Variants in STAT4 observed in about 807,000 individuals in gnomAD.
STAT4 encodes the protein signal transducer and activator of transcription 4.
Under a neutral mutation model 110.5 loss-of-function variants are expected in STAT4, and 42 were observed. The ratio of observed to expected loss-of-function variants is 0.38; its 90% CI spans 0.30 to 0.49. The LOEUF (loss-of-function observed/expected upper bound fraction) is 0.49, where lower values mean the gene tolerates loss of function less well. Ranked by LOEUF, STAT4 falls within the 20% of genes least tolerant of loss-of-function variation. The pLI is 0.95. For missense variants in STAT4, 632 were observed against 887.9 expected, an observed-to-expected ratio of 0.71 and a Z score of 3.66; for synonymous variants, 284 against 302.2, an observed-to-expected ratio of 0.94 and a Z score of 0.63.
At position 191,116,931 on chromosome 2, in the gene STAT4, C is replaced by G. The variant is rs1048516201; in HGVS notation, c.273+29682G>C. Among the ~76,000 whole-genome samples the G allele has an allele frequency of 1.3e-5, 2 of 152,176 alleles. No individual in the cohort carries two copies. Among genetic ancestry groups the G allele is most frequent in the Admixed American group, 1.3e-4 (2 of 15,256 alleles). On this transcript the variant is annotated intron_variant, in intron 3 of 23. Transcript: ENST00000392320. This position sits in a 1 kb window ranked among gnomAD's most constrained non-coding sequence, Gnocchi z 4.1. ...CTAAGAAAGCAACTCAAATATCCCT[C>G]CCGTTGGAGTGGCAAAGAATAATGA...
Position 191,084,488 on chromosome 2 carries a change from C to T in STAT4, c.274-8163G>A, listed in dbSNP as rs943461248. ...CAATTAATACATGTAATTAAAACTA[C>T]TAAATACAAAGTACATAAAAAAAGG... On this transcript the variant is annotated intron_variant, in intron 3 of 23. Coordinates refer to ENST00000392320, the MANE Select transcript of STAT4 (RefSeq NM_003151.4). Among the ~76,000 whole-genome samples the T allele has an allele frequency of 9.2e-5, 14 of 151,790 alleles. 1 individual carries two copies. Among genetic ancestry groups the T allele is most frequent in the Admixed American group, 9.2e-4 (14 of 15,244 alleles).
At position 191,041,014 on chromosome 2, in the gene STAT4, C is replaced by A. The variant is rs376345577; in HGVS notation, c.1335+51G>T. The A allele has an allele frequency of 1.2e-4, 153 of 1,233,630 alleles. 1 individual carries two copies. In the African/African-American group the frequency reaches 1.9e-3, roughly 15 times the overall value. 76.4% of individuals were successfully genotyped at this position (1,233,630 alleles called of 1,614,324 possible). ...TGAGCTTACATCTATTAATGCTGAC[C>A]AATTCTTGCAAATGCCATTAGTAAA... On this transcript the variant is annotated intron_variant, in intron 15 of 23. Coordinates refer to ENST00000392320, the MANE Select transcript of STAT4 (RefSeq NM_003151.4).
intron 3 of STAT4, among the ~76,000 whole-genome samples, chr2:191,118,304 T>C (rs1029874074): frequency 2.6e-5 from 4 of 152,204 alleles, no homozygotes; most frequent in African/African-American, 9.6e-5. Flanking sequence ...CTGGGTCACA[T>C]TCCTTTGAGA....
At position 191,066,582 on chromosome 2, in the gene STAT4, AC is replaced by A; in HGVS notation, c.545-68del. The A allele has an allele frequency of 6.7e-7, 1 of 1,482,674 alleles. No homozygotes were observed. Among genetic ancestry groups the A allele is most frequent in the Non-Finnish European group, 9.3e-7 (1 of 1,073,402 alleles). The allele number at this position is 1,482,674 out of a possible 1,614,324, so 91.8% of individuals were successfully genotyped here. ...CTGAAAGTCAAGTCAGCCTCAATCC[AC>A]CATCCTAAAACAGCCCTGGCCCGGA... On this transcript the variant is annotated intron_variant, in intron 6 of 23. Transcript: ENST00000392320. This position sits in a 1 kb window ranked among gnomAD's most constrained non-coding sequence, Gnocchi z 4.3.
intron 3 of STAT4, among the ~76,000 whole-genome samples, chr2:191,097,340 G>A (rs1368056095): frequency 1.3e-5 from 2 of 152,130 alleles, no homozygotes; most frequent in African/African-American, 4.8e-5. Context: ...GAACAAAGCT[G>A]GAGGCATCAT....
chr2:191,150,585 A>G lies in STAT4; in HGVS notation c.-2+362T>C, dbSNP rs1699568460. ...GCAAGCTTTTTTCTGAAATCCAGGT[A>G]CGCTAATCTAAAGTCAGACATCACA... On this transcript the variant is annotated intron_variant, in intron 1 of 23. Transcript: ENST00000392320. The surrounding 1 kb of genome is among the most constrained non-coding windows in gnomAD (Gnocchi z 6.4). 6.6e-6 allele frequency among the ~76,000 whole-genome samples: 1 copy of G among 152,186 alleles called. No homozygotes were observed. The highest frequency in any genetic ancestry group is 2.1e-4 in the South Asian group (1 of 4,830).
intron 5 of STAT4, among the ~76,000 whole-genome samples, chr2:191,072,269 G>A (rs1371991109): frequency 6.6e-6 from 1 of 152,104 alleles, no homozygotes; most frequent in Non-Finnish European, 1.5e-5. Context: ...TGCCTTGCAT[G>A]GCAGATTATT....
intron 3 of STAT4, among the ~76,000 whole-genome samples, chr2:191,141,487 C>T (rs28885169): frequency 1.5e-5 from 1 of 66,100 alleles, no homozygotes; most frequent in African/African-American, 5.4e-5. Context: ...CATACATATA[C>T]ATATGTATAT....
At position 191,091,978 on chromosome 2, in the gene STAT4, G is replaced by A. The variant is rs1226031973; in HGVS notation, c.274-15653C>T. On this transcript the variant is annotated intron_variant, in intron 3 of 23. Coordinates refer to ENST00000392320, the MANE Select transcript of STAT4 (RefSeq NM_003151.4). The surrounding 1 kb of genome is among the most constrained non-coding windows in gnomAD (Gnocchi z 5.4). Reference sequence around the variant, plus strand: ...TAGCAGAGCATAATAGAGAGTTGTGGAATAAAATATTAAATAAGAAAATTA... The same window carrying A: ...TAGCAGAGCATAATAGAGAGTTGTGAAATAAAATATTAAATAAGAAAATTA... 6.6e-6 allele frequency among the ~76,000 whole-genome samples: 1 copy of A among 152,104 alleles called. No individual in the cohort carries two copies. Among genetic ancestry groups the A allele is most frequent in the Non-Finnish European group, 1.5e-5 (1 of 68,020 alleles).
At chr2:191,067,381 A>C (rs1697023679) in intron 6 of STAT4, among the ~76,000 whole-genome samples, 1 of 152,012 alleles carries the variant, frequency 6.6e-6, no homozygotes. Flanking sequence ...AGAGGAACAC[A>C]ATTGCCTTTG....
rs1239115604 is a variant in STAT4 at position 191,147,158 on chromosome 2, C to T, written c.129-401G>A. Among the ~76,000 whole-genome samples, 1 of 152,018 alleles carries T rather than the reference C, an allele frequency of 6.6e-6. No homozygotes were observed. The highest frequency in any genetic ancestry group is 1.5e-5 in the Non-Finnish European group (1 of 67,966). On this transcript the variant is annotated intron_variant, in intron 2 of 23. Transcript: ENST00000392320. This position sits in a 1 kb window ranked among gnomAD's most constrained non-coding sequence, Gnocchi z 4.1. Reference sequence around the variant, plus strand: ...CAGCAATTCCACATCTGGATATATACCCAAAAGAATTAAAAGCAGGGACTC... The same window carrying T: ...CAGCAATTCCACATCTGGATATATATCCAAAAGAATTAAAAGCAGGGACTC...
chr2:191,066,413 T>G lies in STAT4; in HGVS notation c.630+17A>C. The stretch of plus-strand genomic sequence containing the variant: ...GAGAAAAATAGGCAAAAGCCCAAAT[T>G]AAAATTCTTCACTAACCTTTCTCTT... On this transcript the variant is annotated intron_variant, in intron 7 of 23. Transcript: ENST00000392320. The surrounding 1 kb of genome is among the most constrained non-coding windows in gnomAD (Gnocchi z 4.3). 1 of 1,609,248 alleles carries G rather than the reference T, an allele frequency of 6.2e-7. No individual in the cohort carries two copies. The highest frequency in any genetic ancestry group is 8.5e-7 in the Non-Finnish European group (1 of 1,176,150).
intron 15 of STAT4, 28 bp downstream of exon 15, chr2:191,041,037 A>G: frequency 7.3e-7 from 1 of 1,365,474 alleles, no homozygotes; most frequent in South Asian, 2.1e-5. Context: ...TGCCATTAGT[A>G]AATAGTGTAT....
intron 3 of STAT4, chr2:191,132,012 A>C (rs1699049421): frequency 8.4e-7 from 1 of 1,186,742 alleles, no homozygotes; most frequent in Admixed American, 4.2e-5. Context: ...TTCATTCCAC[A>C]CTAAATTACA....
At chr2:191,141,631 T>TTA (rs201224847) in intron 3 of STAT4, among the ~76,000 whole-genome samples, 2,310 of 146,744 alleles carry the variant, frequency 0.016, 31 homozygotes, top group Non-Finnish European at 0.025. Context: ...ATATATATGA[T>TTA]TATATATATA....
intron 3 of STAT4, among the ~76,000 whole-genome samples, chr2:191,123,104 T>A (rs1321712498): frequency 6.6e-6 from 1 of 152,230 alleles, no homozygotes; most frequent in African/African-American, 2.4e-5. Flanking sequence ...GACTGTATAA[T>A]CTTCTCATGA....
chr2:191,071,060 G>A (rs1427878307), intron 5 of STAT4, among the ~76,000 whole-genome samples: 1 of 152,242 alleles, frequency 6.6e-6, no homozygotes, highest in African/African-American at 2.4e-5. Context: ...CAAAGTAGTA[G>A]CTATTGACTA....
At chr2:191,136,201 C>T (rs1699178472) in intron 3 of STAT4, among the ~76,000 whole-genome samples, 1 of 151,976 alleles carries the variant, frequency 6.6e-6, no homozygotes, top group East Asian at 1.9e-4. Flanking sequence ...TCCTTCATGA[C>T]CAAAACTCTC....
At position 191,039,101 on chromosome 2, in the gene STAT4, C is replaced by A; in HGVS notation, c.1434+98G>T. 4 of 1,053,252 alleles carry A rather than the reference C, an allele frequency of 3.8e-6. No individual in the cohort carries two copies. The South Asian group carries it at 3.9e-5, about 10-fold the overall frequency. 65.2% of individuals were successfully genotyped at this position (1,053,252 alleles called of 1,614,324 possible). ...TACAAATAAAGCAACTCTCACCCCA[C>A]ACCCCACTGGCACACACATGTTTTG... On this transcript the variant is annotated intron_variant, in intron 16 of 23. Transcript: ENST00000392320. The surrounding 1 kb of genome is among the most constrained non-coding windows in gnomAD (Gnocchi z 4.7).
Sources: allele counts gnomAD v4.1 joint callset (sites outside exome capture counted in the v4.1 genomes callset), GRCh38; gene constraint gnomAD v4.1.1; non-coding constraint Gnocchi (gnomAD v3.1); transcripts MANE v1.5; gene names NCBI Gene and HGNC (gene_info 2026-07-23, HGNC 2026-07-21).